Variants in SVOPL observed in about 807,000 individuals in gnomAD.
SVOPL encodes putative transporter SVOPL.
A neutral mutation model predicts 61.0 loss-of-function variants in SVOPL; 60 were observed. That is an observed-to-expected ratio of 0.98 (90% confidence interval 0.80 to 1.22). The LOEUF is 1.22. SVOPL is among the 50% of genes most tolerant of loss of function. The pLI, the probability that SVOPL is intolerant of heterozygous loss-of-function variation, is 0.00. For missense variants in SVOPL, 662 were observed against 643.9 expected (o/e 1.03, Z -0.30); for synonymous variants, 279 against 250.0 (o/e 1.12, Z -1.09).
chr7:138,655,650 ATT>A (rs1268172057), intron 7 of SVOPL, among the ~76,000 whole-genome samples: 1 of 8,978 alleles, frequency 1.1e-4, no homozygotes, highest in Non-Finnish European at 4.5e-4. Context: ...TTATATATAT[ATT>A]ATACTAATAT....
At chr7:138,606,730 G>A (rs1049493281) in intron 14 of SVOPL, among the ~76,000 whole-genome samples, 6 of 152,124 alleles carry the variant, frequency 3.9e-5, no homozygotes, top group African/African-American at 1.4e-4. Context: ...GAGGCAGGTG[G>A]ATCACCTGAG....
rs1195843920 is a variant in SVOPL, at chr7:138,615,575, A to G, written c.1353+5471T>C. On this transcript the variant is annotated intron_variant, in intron 14 of 15. Transcript: ENST00000674285. ...ACTCCGTCTCCAAAAAAAAAAAAAA[A>G]AAAAAAAAAAAAAGTTTGAGACCAG... Among the ~76,000 whole-genome samples, 2 of 41,556 alleles carry G rather than the reference A, an allele frequency of 4.8e-5. 1 individual carries two copies. The highest frequency in any genetic ancestry group is 9.5e-5 in the African/African-American group (2 of 20,944). 27.3% of individuals were successfully genotyped at this position (41,556 alleles called of 152,430 possible). A position where few individuals can be genotyped will look rare whatever the true frequency, so the allele number is the denominator to read the frequency against.
At chr7:138,625,150 T>C (rs2116899032) in intron 13 of SVOPL, 1 of 152,366 alleles carries the variant, frequency 6.6e-6, no homozygotes, top group African/African-American at 2.4e-5. Context: ...TGCCTATAAA[T>C]CAACTTTAGA....
At chr7:138,606,683 G>A (rs1266105648) in intron 14 of SVOPL, among the ~76,000 whole-genome samples, 1 of 152,190 alleles carries the variant, frequency 6.6e-6, no homozygotes, top group Non-Finnish European at 1.5e-5. Context: ...GCCAGGCACA[G>A]TGGCTGTCAC....
chr7:138,627,605 C>T (rs80223219), intron 11 of SVOPL, 144 bp from the exon 12 acceptor site: 7,315 of 636,848 alleles, frequency 0.011, 66 homozygotes, highest in Non-Finnish European at 0.016. Flanking sequence ...AATCCAGTCA[C>T]GTTGTCATCA....
intron 13 of SVOPL, among the ~76,000 whole-genome samples, chr7:138,623,279 A>C (rs1437770997): frequency 1.3e-5 from 2 of 152,168 alleles, no homozygotes; most frequent in African/African-American, 4.8e-5. Flanking sequence ...ATTTTTAGTT[A>C]CACACCTCTT....
At position 138,605,352 on chromosome 7, in the gene SVOPL, CAT is replaced by C. The variant is rs545961933; in HGVS notation, c.1354-8824_1354-8823del. Among the ~76,000 whole-genome samples, 431 of 152,000 alleles carry C rather than the reference CAT, an allele frequency of 2.8e-3. 2 individuals are homozygous for C. Among genetic ancestry groups the C allele is most frequent in the Middle Eastern group, 6.8e-3 (2 of 294 alleles). Reference sequence around the variant, plus strand: ...GTCTAGAGAGAAAAGAAAATTTTCCCATGTCTTTTTAATAAGACTAGAATGAA... The same window carrying C: ...GTCTAGAGAGAAAAGAAAATTTTCCCGTCTTTTTAATAAGACTAGAATGAA... On this transcript the variant is annotated intron_variant, in intron 14 of 15. Coordinates refer to ENST00000674285, the MANE Select transcript of SVOPL (RefSeq NM_001139456.2).
chr7:138,629,810 C>T (rs6467785), intron 10 of SVOPL, among the ~76,000 whole-genome samples: 119,083 of 152,104 alleles, frequency 0.78, 47,109 homozygotes, highest in Middle Eastern at 0.86. Flanking sequence ...CATATGCTCA[C>T]AAGAAAAATT....
intron 2 of SVOPL, 109 bp downstream of exon 2, chr7:138,678,855 C>G: frequency 8.8e-7 from 1 of 1,136,726 alleles, no homozygotes; most frequent in Non-Finnish European, 1.3e-6. Flanking sequence ...CAGGTGTGAG[C>G]CACCATGCCT....
intron 3 of SVOPL, among the ~76,000 whole-genome samples, chr7:138,677,249 A>G (rs961151074): frequency 6.6e-6 from 1 of 152,116 alleles, no homozygotes; most frequent in African/African-American, 2.4e-5. Flanking sequence ...TGGAGAGCCC[A>G]GAGCCTGAGG....
intron 14 of SVOPL, among the ~76,000 whole-genome samples, chr7:138,604,647 C>T (rs1475532893): frequency 8.6e-6 from 1 of 116,456 alleles, no homozygotes; most frequent in African/African-American, 3.5e-5. Flanking sequence ...CATTACACTC[C>T]AACCTGGGCA....
At chr7:138,613,182 G>T (rs1158342723) in intron 14 of SVOPL, among the ~76,000 whole-genome samples, 1 of 151,548 alleles carries the variant, frequency 6.6e-6, no homozygotes. Flanking sequence ...ACCACGCCTG[G>T]CTAATTTTTG....
rs572197145 is a variant in SVOPL at position 138,644,883 on chromosome 7, G to A, written c.661-38C>T. Reference sequence around the variant, plus strand: ...TACAAAGAACATCAGAGTGGCCACTGCTATAGAACCCAGGGGTACAGCTAT... The same window carrying A: ...TACAAAGAACATCAGAGTGGCCACTACTATAGAACCCAGGGGTACAGCTAT... On this transcript the variant is annotated intron_variant, in intron 8 of 15. Coordinates refer to ENST00000674285, the MANE Select transcript of SVOPL (RefSeq NM_001139456.2). 45 of 1,613,588 alleles carry A rather than the reference G, an allele frequency of 2.8e-5. No individual in the cohort carries two copies. The South Asian group carries it at 3.8e-4, about 14-fold the overall frequency.
chr7:138,660,841 A>T (rs1801969544), intron 5 of SVOPL: 1 of 984,208 alleles, frequency 1.0e-6, no homozygotes, highest in Non-Finnish European at 1.2e-6. Context: ...GGTGTTATAT[A>T]TAGTAAGGGT....
At chr7:138,651,632 C>A (rs943748395) in intron 7 of SVOPL, among the ~76,000 whole-genome samples, 2 of 152,144 alleles carry the variant, frequency 1.3e-5, no homozygotes, top group Non-Finnish European at 2.9e-5. Context: ...ATTTTTGCAT[C>A]TGTTATGGTA....
At chr7:138,602,513 A>G (rs1020698494) in intron 14 of SVOPL, among the ~76,000 whole-genome samples, 2 of 151,694 alleles carry the variant, frequency 1.3e-5, no homozygotes, top group African/African-American at 4.8e-5. Context: ...ATGTCTACAT[A>G]TATATTCACA....
chr7:138,637,427 CAT>C (rs377328822), intron 9 of SVOPL, among the ~76,000 whole-genome samples: 8 of 71,242 alleles, frequency 1.1e-4, no homozygotes, highest in African/African-American at 1.2e-4. Flanking sequence ...GACTCCATCT[CAT>C]ATATATATAT....
intron 1 of SVOPL, among the ~76,000 whole-genome samples, chr7:138,695,009 G>A (rs1428605961): frequency 6.6e-6 from 1 of 152,126 alleles, no homozygotes; most frequent in Non-Finnish European, 1.5e-5. Flanking sequence ...AAAGTGCTGG[G>A]ATTACAGGCA....
intron 12 of SVOPL, 96 bp downstream of exon 12, chr7:138,627,254 A>G (rs539900065): frequency 2.2e-6 from 2 of 899,170 alleles, no homozygotes; most frequent in Admixed American, 4.4e-5. Flanking sequence ...CTCCTGGGTG[A>G]AAGTGACTTG....
Sources: allele counts gnomAD v4.1 joint callset (sites outside exome capture counted in the v4.1 genomes callset), GRCh38; gene constraint gnomAD v4.1.1; transcripts MANE v1.5; gene names NCBI Gene and HGNC (gene_info 2026-07-23, HGNC 2026-07-21).